Variants in ATR observed in about 807,000 individuals in gnomAD.
ATR encodes the protein ATR checkpoint kinase, also known as serine/threonine-protein kinase ATR.
A neutral mutation model predicts 305.3 loss-of-function variants in ATR; 142 were observed. The observed-to-expected ratio is 0.47, with a 90% CI of 0.41 to 0.53. The LOEUF (loss-of-function observed/expected upper bound fraction) is 0.53, where lower values mean the gene tolerates loss of function less well. Ranked by LOEUF, ATR falls within the 20% of genes least tolerant of loss-of-function variation. The pLI is 0.00. For missense variants in ATR, 2,135 were observed against 3,133.1 expected (o/e 0.68, Z 7.60); for synonymous variants, 1,050 against 1,068.1 (o/e 0.98, Z 0.33).
At chr3:142,577,296 G>T (rs1039587677) in intron 1 of ATR, among the ~76,000 whole-genome samples, 2 of 152,166 alleles carry the variant, frequency 1.3e-5, no homozygotes, top group East Asian at 3.8e-4. Context: ...CAGGACTCAC[G>T]GAGGAAGACA....
At chr3:142,561,000 A>G (rs2034859392) in intron 5 of ATR, among the ~76,000 whole-genome samples, 1 of 152,240 alleles carries the variant, frequency 6.6e-6, no homozygotes, top group African/African-American at 2.4e-5. Flanking sequence ...GATTTTTCAC[A>G]TATTAAAAAG....
At chr3:142,493,737 T>C (rs1326042956) in intron 34 of ATR, among the ~76,000 whole-genome samples, 4 of 151,810 alleles carry the variant, frequency 2.6e-5, no homozygotes, top group Non-Finnish European at 5.9e-5. Context: ...GTGTAGTGGC[T>C]CATGCCTATA....
intron 35 of ATR, among the ~76,000 whole-genome samples, chr3:142,492,463 G>GT (rs2031345077): frequency 6.6e-6 from 1 of 152,172 alleles, no homozygotes; most frequent in Non-Finnish European, 1.5e-5. Context: ...GAACTACTCT[G>GT]TTTAACTTTT....
At chr3:142,489,419 CA>C (rs2031148011) in intron 35 of ATR, among the ~76,000 whole-genome samples, 1 of 152,166 alleles carries the variant, frequency 6.6e-6, no homozygotes, top group Non-Finnish European at 1.5e-5. Flanking sequence ...AGAAGATGAA[CA>C]TTCCTAACTC....
rs771445846 is a variant in ATR at position 142,550,268 on chromosome 3, G to A, written c.2840C>T (p.Thr947Ile). The change falls in exon 14 of 47, where the codon ACA becomes ATA. Residue 947 changes from threonine (T) to isoleucine (I), a missense_variant. Transcript: ENST00000350721. ...LVESLHSSQM[T>I]ALPNTPCQNA... is the part of the protein sequence containing the mutation. ...CTGGCATGGAGTATTCGGAAGTGCT[G>A]TCATCTGACTAGAGTGAAGGGATTC... The A allele has an allele frequency of 1.1e-5, 18 of 1,614,056 alleles. No homozygotes were observed. The highest frequency in any genetic ancestry group is 1.4e-5 in the Non-Finnish European group (17 of 1,180,010).
intron 21 of ATR, among the ~76,000 whole-genome samples, chr3:142,530,061 T>C (rs957412487): frequency 2.0e-5 from 3 of 152,156 alleles, no homozygotes; most frequent in African/African-American, 4.8e-5. Flanking sequence ...GGTGAAATCT[T>C]TGCCAATCTT....
chr3:142,559,520 C>A, intron 6 of ATR, 79 bp from the exon 7 acceptor site: 1 of 1,418,674 alleles, frequency 7.0e-7, no homozygotes, highest in South Asian at 1.2e-5. Flanking sequence ...TGTAGTAAAG[C>A]CAAAAGAAAT....
At chr3:142,525,325 C>T (rs2033328409) in intron 21 of ATR, among the ~76,000 whole-genome samples, 1 of 151,980 alleles carries the variant, frequency 6.6e-6, no homozygotes, top group South Asian at 2.1e-4. Flanking sequence ...TTTGGTTGGG[C>T]TACTATATTC....
rs747264940 is a variant in ATR at position 142,549,691 on chromosome 3, A to T, written c.2977-18T>A. On this transcript the variant is annotated intron_variant, in intron 14 of 46. Coordinates refer to ENST00000350721, the MANE Select transcript of ATR (RefSeq NM_001184.4). ...AATGTCCTCTGAAAAAGAATGCAAC[A>T]ATTACCAAAAAGTACATTTGTCTGG... is the stretch of plus-strand genomic sequence containing the variant. 3.7e-6 allele frequency: 6 copies of T among 1,609,906 alleles called. No individual in the cohort carries two copies. The East Asian group carries it at 1.3e-4, about 36-fold the overall frequency.
Position 142,503,452 on chromosome 3 carries a change from A to C in ATR, c.5198T>G (p.Ile1733Ser), listed in dbSNP as rs761317251. 3.2e-6 allele frequency: 5 copies of C among 1,576,544 alleles called. No individual in the cohort carries two copies. The highest frequency in any genetic ancestry group is 4.4e-6 in the Non-Finnish European group (5 of 1,148,916). Reference sequence around the variant, plus strand: ...CTTTACTACACCATGATAATGAATGATCTAGAAATTTAAAAATATTTAAAA... The same window carrying C: ...CTTTACTACACCATGATAATGAATGCTCTAGAAATTTAAAAATATTTAAAA... ...DRAIQLEPDQIIHYHGVVKSM... is the reference protein window; with the variant it reads ...DRAIQLEPDQSIHYHGVVKSM... Residue 1733 changes from isoleucine to serine, a missense_variant and splice_region_variant, in exon 30 of 47, where the codon ATC (isoleucine) becomes AGC (serine). Physicochemically the swap from Ile to Ser is moderately radical, Grantham distance 142. This residue lies in a region of ATR where 117 missense variants were observed against 198.3 expected (regional missense o/e 0.59). Coordinates refer to ENST00000350721, the MANE Select transcript of ATR (RefSeq NM_001184.4).
chr3:142,483,503 T>A lies in ATR; in HGVS notation c.6221+1637A>T, dbSNP rs573827453. 5.3e-5 allele frequency among the ~76,000 whole-genome samples: 8 copies of A among 152,312 alleles called. No individual in the cohort carries two copies. In the South Asian group the frequency reaches 1.7e-3, roughly 32 times the overall value. On this transcript the variant is annotated intron_variant, in intron 36 of 46. Coordinates refer to ENST00000350721, the MANE Select transcript of ATR (RefSeq NM_001184.4). Reference sequence around the variant, plus strand: ...TCATGTATATATATTATACCACTTCTTATTGGAATGGGCTAGAAGGAAGTA... The same window carrying A: ...TCATGTATATATATTATACCACTTCATATTGGAATGGGCTAGAAGGAAGTA...
At chr3:142,476,607 G>C (rs899797646) in intron 36 of ATR, among the ~76,000 whole-genome samples, 3 of 152,150 alleles carry the variant, frequency 2.0e-5, no homozygotes, top group Admixed American at 6.5e-5. Context: ...GAACTTTAAA[G>C]TAGTTTTTTC....
At chr3:142,562,131 T>A (rs2034903725) in intron 4 of ATR, 101 bp downstream of exon 4, 4 of 1,245,732 alleles carry the variant, frequency 3.2e-6, no homozygotes, top group Non-Finnish European at 3.4e-6. Flanking sequence ...AAATTACTAT[T>A]AAAGATATTC....
chr3:142,511,452 T>C (rs2032559033), intron 27 of ATR, among the ~76,000 whole-genome samples: 1 of 151,940 alleles, frequency 6.6e-6, no homozygotes. Flanking sequence ...GGCCAGGAGT[T>C]GGAGACCAGC....
At chr3:142,522,554 T>C (rs1371578289) in intron 23 of ATR, among the ~76,000 whole-genome samples, 174 bp downstream of exon 23, 1 of 152,178 alleles carries the variant, frequency 6.6e-6, no homozygotes, top group Non-Finnish European at 1.5e-5. Flanking sequence ...TAACTATACC[T>C]ATAATAATTG....
At chr3:142,524,230 G>A (rs746692921) in intron 21 of ATR, 31 bp from the exon 22 acceptor site, 15 of 1,549,296 alleles carry the variant, frequency 9.7e-6, no homozygotes, top group Middle Eastern at 1.7e-4. Context: ...AAATTTATAC[G>A]TAATTTCTAC....
chr3:142,529,030 C>T lies in ATR; in HGVS notation c.3946-4831G>A, dbSNP rs557573145. Among the ~76,000 whole-genome samples the T allele has an allele frequency of 1.9e-4, 29 of 150,212 alleles. 1 individual carries two copies. In the South Asian group the frequency reaches 4.0e-3, roughly 21 times the overall value. ...TCCTGAGCAGCTGGGATTACAGGTG[C>T]GCCATCATGCCTGGTTAATTTTTGT... On this transcript the variant is annotated intron_variant, in intron 21 of 46. Transcript: ENST00000350721.
chr3:142,469,396 C>G lies in ATR; in HGVS notation c.6493G>C (p.Ala2165Pro), dbSNP rs1288613889. 1 of 1,613,836 alleles carries G rather than the reference C, an allele frequency of 6.2e-7. No individual in the cohort carries two copies. Among genetic ancestry groups the G allele is most frequent in the Non-Finnish European group, 8.5e-7 (1 of 1,179,924 alleles). ...EVFVVLMEII[A>P]KVFLAYPQQA... The stretch of plus-strand genomic sequence containing the variant: ...TGAGGATAGGCTAGAAATACTTTGG[C>G]TATTATTTCCATCAAGACAACAAAA... Residue 2165 changes from alanine to proline, a missense_variant, in exon 38 of 47, where the codon GCC becomes CCC. Around this residue, in one of 9 missense-constraint regions of ATR, gnomAD observed 462 missense variants for 887.6 expected, o/e 0.52. Coordinates refer to ENST00000350721, the MANE Select transcript of ATR (RefSeq NM_001184.4).
At chr3:142,527,123 G>T (rs77111495) in intron 21 of ATR, among the ~76,000 whole-genome samples, 4,142 of 152,144 alleles carry the variant, frequency 0.027, 169 homozygotes, top group African/African-American at 0.094. Context: ...TGATTTGTTT[G>T]ATAATATTTC....
Sources: allele counts gnomAD v4.1 joint callset (sites outside exome capture counted in the v4.1 genomes callset), GRCh38; gene constraint gnomAD v4.1.1; regional missense constraint gnomAD v4.1.1; transcripts MANE v1.5; gene names NCBI Gene and HGNC (gene_info 2026-07-23, HGNC 2026-07-21).